Variants in PCDHA1 observed in about 807,000 individuals in gnomAD.
The protein encoded by PCDHA1 is protocadherin alpha-1.
Under a neutral mutation model 61.3 loss-of-function variants are expected in PCDHA1, and 42 were observed. The ratio of observed to expected loss-of-function variants is 0.69; its 90% confidence interval spans 0.54 to 0.89. The LOEUF is 0.89. PCDHA1 is among the 40% of genes least tolerant of loss of function. The pLI is 0.00. For missense variants in PCDHA1, 1,256 were observed against 1,235.3 expected (o/e 1.02, Z -0.25); for synonymous variants, 610 against 553.8 (o/e 1.10, Z -1.43).
chr5:140,987,004 A>G (rs2097221558), intron 3 of PCDHA1, among the ~76,000 whole-genome samples: 2 of 152,242 alleles, frequency 1.3e-5, no homozygotes, highest in Non-Finnish European at 2.9e-5. Flanking sequence ...ACTTGAGGTC[A>G]TGAGTTCGAG....
intron 1 of PCDHA1, chr5:140,801,931 C>A (rs1554121771): frequency 3.1e-6 from 5 of 1,614,026 alleles, no homozygotes; most frequent in Admixed American, 1.7e-5. Flanking sequence ...TTTGAGAGGA[C>A]GATCTATAAA....
At chr5:140,868,826 G>A in intron 1 of PCDHA1, 1 of 406,060 alleles carries the variant, frequency 2.5e-6, no homozygotes, top group Non-Finnish European at 4.3e-6. Flanking sequence ...TTTGGGGGAA[G>A]AAACCCAAAA....
At chr5:140,979,055 T>A (rs2096833782) in intron 2 of PCDHA1, 48 bp downstream of exon 2, 1 of 1,607,848 alleles carries the variant, frequency 6.2e-7, no homozygotes, top group Non-Finnish European at 8.5e-7. Flanking sequence ...TAACTTGGTA[T>A]GGCTCAGATA....
At chr5:140,863,429 G>A (rs781937083) in intron 1 of PCDHA1, 1 of 653,862 alleles carries the variant, frequency 1.5e-6, no homozygotes, top group East Asian at 4.5e-5. Flanking sequence ...AGCGTAGTGG[G>A]ATCTGGTCTT....
At chr5:140,868,865 G>A (rs1554162260) in intron 1 of PCDHA1, 2 of 582,344 alleles carry the variant, frequency 3.4e-6, no homozygotes. Context: ...GGTAAATGCA[G>A]TGCACAGTAC....
chr5:140,882,539 G>C (rs1303287274), intron 1 of PCDHA1: 2 of 1,614,110 alleles, frequency 1.2e-6, no homozygotes. Context: ...TTCTCGGATC[G>C]ACCGCGAGGA....
intron 1 of PCDHA1, among the ~76,000 whole-genome samples, chr5:140,798,755 A>G (rs7701356): frequency 0.054 from 8,158 of 152,250 alleles, 711 homozygotes; most frequent in African/African-American, 0.19. Context: ...TTGGGTAATT[A>G]TAACACTGAA....
intron 1 of PCDHA1, among the ~76,000 whole-genome samples, chr5:140,932,418 ATTG>A (rs1457931424): frequency 1.3e-5 from 2 of 151,928 alleles, no homozygotes; most frequent in African/African-American, 4.8e-5. Context: ...ATATTAGTGT[ATTG>A]TTCACCTGGA....
chr5:140,823,740 G>A (rs887046242), intron 1 of PCDHA1: 2 of 1,613,846 alleles, frequency 1.2e-6, no homozygotes, highest in Non-Finnish European at 1.7e-6. Flanking sequence ...ACCATGGAGA[G>A]CCCCCGCTGA....
At position 140,835,851 on chromosome 5, in the gene PCDHA1, G is replaced by C. The variant is rs2150246583; in HGVS notation, c.2394+47167G>C. 1.9e-5 allele frequency: 30 copies of C among 1,612,172 alleles called. No homozygotes were observed. In the South Asian group the frequency reaches 3.0e-4, roughly 16 times the overall value. ...CGCGGACGCGCAGAAGAACGCGCTG[G>C]TGTCCTACTCGCTGGTGGAGCTGCG... On this transcript the variant is annotated intron_variant, in intron 1 of 3. Coordinates refer to ENST00000504120, the MANE Select transcript of PCDHA1 (RefSeq NM_018900.4).
chr5:140,795,066 C>A, intron 1 of PCDHA1: 11 of 1,613,948 alleles, frequency 6.8e-6, no homozygotes, highest in Non-Finnish European at 9.3e-6. Flanking sequence ...TCCGCTACTC[C>A]GTCCCCGAGG....
At chr5:140,895,485 C>A (rs2065029754) in intron 1 of PCDHA1, among the ~76,000 whole-genome samples, 1 of 152,114 alleles carries the variant, frequency 6.6e-6, no homozygotes, top group African/African-American at 2.4e-5. Flanking sequence ...GGAGAAATAC[C>A]TATTCAGAAC....
chr5:140,884,060 G>T (rs781956914), intron 1 of PCDHA1: 1 of 1,613,430 alleles, frequency 6.2e-7, no homozygotes, highest in African/African-American at 1.3e-5. Flanking sequence ...GCGCGCGGTG[G>T]ACGCCGATTC....
chr5:140,924,900 A>AT lies in PCDHA1; in HGVS notation c.2395-54049_2395-54048insT, dbSNP rs1563068012. 8.8e-4 allele frequency among the ~76,000 whole-genome samples: 56 copies of AT among 63,318 alleles called. 1 individual carries two copies. The highest frequency in any genetic ancestry group is 8.1e-3 in the Middle Eastern group (1 of 124). 41.5% of individuals were successfully genotyped at this position (63,318 alleles called of 152,430 possible). On this transcript the variant is annotated intron_variant, in intron 1 of 3. Coordinates refer to ENST00000504120, the MANE Select transcript of PCDHA1 (RefSeq NM_018900.4). ...ACAGAGCAAGAACCTGTCTCAAAAA[A>AT]AAAAATAAAATAAAATAAAATAAAA...
At position 140,877,217 on chromosome 5, in the gene PCDHA1, C is replaced by T. The variant is rs571871387; in HGVS notation, c.2394+88533C>T. ...GGAGGCGCAGTTAGCGAGTTGGTAC[C>T]GCGGTCGGTGGGTGCGGGCCACGTG... On this transcript the variant is annotated intron_variant, in intron 1 of 3. Coordinates refer to ENST00000504120, the MANE Select transcript of PCDHA1 (RefSeq NM_018900.4). 144 of 1,613,624 alleles carry T rather than the reference C, an allele frequency of 8.9e-5. No individual in the cohort carries two copies. Among genetic ancestry groups the T allele is most frequent in the Non-Finnish European group, 1.2e-4 (138 of 1,179,784 alleles).
At chr5:141,006,951 T>TA (rs1428990680) in intron 3 of PCDHA1, among the ~76,000 whole-genome samples, 1 of 152,164 alleles carries the variant, frequency 6.6e-6, no homozygotes, top group Non-Finnish European at 1.5e-5. Context: ...GATAGGCAGT[T>TA]ATACATGAGA....
intron 1 of PCDHA1, among the ~76,000 whole-genome samples, chr5:140,975,119 A>C (rs2096654213): frequency 6.6e-6 from 1 of 152,038 alleles, no homozygotes; most frequent in African/African-American, 2.4e-5. Context: ...CTGTTTTCCT[A>C]CTTACTATTG....
At chr5:140,801,813 C>G (rs1393875873) in intron 1 of PCDHA1, 1 of 1,614,110 alleles carries the variant, frequency 6.2e-7, no homozygotes. Flanking sequence ...AGAGGACACT[C>G]CTAAGCATTA....
intron 1 of PCDHA1, among the ~76,000 whole-genome samples, chr5:140,912,613 T>A (rs183484256): frequency 5.3e-4 from 80 of 152,290 alleles, no homozygotes; most frequent in African/African-American, 1.5e-3. Flanking sequence ...TCTTGTCTGA[T>A]TACTCTGGAT....
Sources: gnomAD v4.1 joint callset for allele counts (sites outside exome capture counted in the v4.1 genomes callset) on GRCh38, gnomAD v4.1.1 for gene constraint, MANE v1.5 for transcripts, NCBI Gene and HGNC (gene_info 2026-07-23, HGNC 2026-07-21) for gene names.